Variants in GRID2 observed in about 807,000 individuals in gnomAD.
GRID2 encodes glutamate receptor ionotropic, delta-2.
In GRID2, 33 loss-of-function variants were observed where a neutral mutation model predicts 114.8. The observed-to-expected ratio is 0.29, with a 90% CI of 0.22 to 0.38. The LOEUF (loss-of-function observed/expected upper bound fraction) is 0.38. GRID2 is among the 10% of genes least tolerant of loss of function. GRID2 has a pLI of 1.00. For synonymous variants in GRID2, 505 were observed against 449.9 expected (o/e 1.12, Z -1.55); for missense variants, 1,184 against 1,257.7 (o/e 0.94, Z 0.89).
intron 2 of GRID2, among the ~76,000 whole-genome samples, chr4:92,965,468 AAAAAAAAAAAAAAAAAAAAAAC>A (rs1401753643): frequency 0.042 from 1,888 of 44,916 alleles, 22 homozygotes; most frequent in Middle Eastern, 0.18. Flanking sequence ...AAAAAAAAAA[AAAAAAAAAAAAAAAAAAAAAAC>A]ACACAACATC....
At chr4:93,030,836 G>A (rs1333791049) in intron 2 of GRID2, among the ~76,000 whole-genome samples, 1 of 151,766 alleles carries the variant, frequency 6.6e-6, no homozygotes, top group Non-Finnish European at 1.5e-5. Flanking sequence ...CAGAGAGAGA[G>A]GAGAAGAGTG....
chr4:92,345,359 C>T (rs1398529163), intron 1 of GRID2, among the ~76,000 whole-genome samples: 6 of 152,160 alleles, frequency 3.9e-5, no homozygotes, highest in African/African-American at 1.4e-4. Context: ...ACTTTTTGGT[C>T]GATGGGCACT....
intron 2 of GRID2, among the ~76,000 whole-genome samples, chr4:92,616,234 A>T (rs2149233834): frequency 6.6e-6 from 1 of 151,446 alleles, no homozygotes; most frequent in Non-Finnish European, 1.5e-5. Context: ...ATTTTGAAGG[A>T]TAGTTTTCCT....
intron 2 of GRID2, among the ~76,000 whole-genome samples, chr4:92,720,172 A>AT (rs1016824083): frequency 3.3e-5 from 5 of 151,820 alleles, no homozygotes; most frequent in East Asian, 1.9e-4. Context: ...AATTTTCAGC[A>AT]TTTTTTTTAA....
At chr4:92,908,225 G>C (rs17019998) in intron 2 of GRID2, among the ~76,000 whole-genome samples, 3 of 152,092 alleles carry the variant, frequency 2.0e-5, no homozygotes, top group South Asian at 4.1e-4. Flanking sequence ...TCAGAGATAA[G>C]TACTAGTTTC....
intron 11 of GRID2, among the ~76,000 whole-genome samples, chr4:93,463,840 T>A (rs536736980): frequency 7.2e-5 from 11 of 151,994 alleles, no homozygotes; most frequent in African/African-American, 2.7e-4. Flanking sequence ...ATACAAAAAA[T>A]TAGCCAGGCG....
intron 1 of GRID2, among the ~76,000 whole-genome samples, chr4:92,405,010 G>A (rs1482032442): frequency 1.3e-5 from 2 of 152,086 alleles, no homozygotes; most frequent in Admixed American, 1.3e-4. Context: ...TGCACATCCT[G>A]CAAATTTATC....
At chr4:92,853,671 A>G (rs978628488) in intron 2 of GRID2, among the ~76,000 whole-genome samples, 1 of 152,004 alleles carries the variant, frequency 6.6e-6, no homozygotes, top group Non-Finnish European at 1.5e-5. Flanking sequence ...TTTTGAGTGA[A>G]TTTAACTCTT....
chr4:93,340,659 A>G (rs1033493279), intron 8 of GRID2, among the ~76,000 whole-genome samples: 1 of 152,096 alleles, frequency 6.6e-6, no homozygotes, highest in African/African-American at 2.4e-5. Flanking sequence ...CTGTTCTCTG[A>G]TATTTCTATG....
intron 4 of GRID2, among the ~76,000 whole-genome samples, chr4:93,154,154 TC>T (rs947686984): frequency 3.3e-5 from 5 of 152,054 alleles, no homozygotes; most frequent in African/African-American, 1.2e-4. Context: ...AAATTCACCC[TC>T]AGGAGTAATG....
intron 14 of GRID2, among the ~76,000 whole-genome samples, chr4:93,715,465 A>T (rs993716239): frequency 2.0e-5 from 3 of 152,164 alleles, no homozygotes; most frequent in African/African-American, 7.2e-5. Context: ...TAATTCTGTG[A>T]AGAATGTCAA....
chr4:93,334,932 A>T (rs1400056767), intron 8 of GRID2, among the ~76,000 whole-genome samples: 1 of 152,050 alleles, frequency 6.6e-6, no homozygotes, highest in Non-Finnish European at 1.5e-5. Context: ...ACTCCGTCTC[A>T]AAAAGAAAAA....
At chr4:93,581,037 C>T (rs1736928706) in intron 13 of GRID2, among the ~76,000 whole-genome samples, 1 of 151,912 alleles carries the variant, frequency 6.6e-6, no homozygotes, top group Non-Finnish European at 1.5e-5. Flanking sequence ...TGGTGGTTTG[C>T]TGCACCCATC....
intron 1 of GRID2, among the ~76,000 whole-genome samples, chr4:92,308,335 C>T (rs1335446408): frequency 6.6e-6 from 1 of 152,162 alleles, no homozygotes; most frequent in Non-Finnish European, 1.5e-5. Flanking sequence ...CTCAGTTATA[C>T]ATCTCTACAA....
chr4:93,526,246 T>C (rs570392212), intron 13 of GRID2, among the ~76,000 whole-genome samples: 1 of 152,274 alleles, frequency 6.6e-6, no homozygotes, highest in African/African-American at 2.4e-5. Context: ...TTCACACTCA[T>C]TCTATTCTGC....
At chr4:92,747,643 A>T (rs2149336018) in intron 2 of GRID2, among the ~76,000 whole-genome samples, 1 of 152,266 alleles carries the variant, frequency 6.6e-6, no homozygotes, top group African/African-American at 2.4e-5. Context: ...GTATTCTTTT[A>T]TATTATACAA....
rs144020238 is a variant in GRID2, at chr4:92,523,124, C to G, written c.89-67007C>G. ...GCAAAGATGGGTAAGAATAGGATGA[C>G]TTGAGAAATACTTTACAAGTAAAAA... On this transcript the variant is annotated intron_variant, in intron 1 of 15. Coordinates refer to ENST00000282020, the MANE Select transcript of GRID2 (RefSeq NM_001510.4). 5.8e-3 allele frequency among the ~76,000 whole-genome samples: 874 copies of G among 151,968 alleles called. 11 individuals carry two copies. Among genetic ancestry groups the G allele is most frequent in the African/African-American group, 0.02 (835 of 41,464 alleles).
At chr4:93,571,275 C>T (rs1735908240) in intron 13 of GRID2, among the ~76,000 whole-genome samples, 1 of 152,006 alleles carries the variant, frequency 6.6e-6, no homozygotes, top group Non-Finnish European at 1.5e-5. Context: ...GAAATCTCAT[C>T]TCTAACAATA....
intron 3 of GRID2, among the ~76,000 whole-genome samples, chr4:93,092,853 AACACACACACACACAT>A: frequency 6.6e-6 from 1 of 151,382 alleles, no homozygotes; most frequent in East Asian, 2.0e-4. Flanking sequence ...TACACACACA[AACACACACACACACAT>A]ATATATGTGT....
Sources: gnomAD v4.1 joint callset for allele counts (sites outside exome capture counted in the v4.1 genomes callset) on GRCh38, gnomAD v4.1.1 for gene constraint, MANE v1.5 for transcripts, NCBI Gene and HGNC (gene_info 2026-07-23, HGNC 2026-07-21) for gene names.